Variants in ADAMTS6 observed in about 807,000 individuals in gnomAD.
ADAMTS6 encodes A disintegrin and metalloproteinase with thrombospondin motifs 6.
ADAMTS6 carries 23 observed loss-of-function variants against 144.3 expected under a neutral mutation model. The ratio of observed to expected loss-of-function variants is 0.16; its 90% confidence interval spans 0.11 to 0.23. The LOEUF is 0.23. ADAMTS6 is among the 10% of genes least tolerant of loss of function. The probability of loss-of-function intolerance (pLI) is 1.00; values close to 1 mark genes in which losing one functional copy is unlikely to be tolerated. For synonymous variants in ADAMTS6, 444 were observed against 457.5 expected (o/e 0.97, Z 0.38); for missense variants, 999 against 1,379.6 (o/e 0.72, Z 4.37).
At chr5:65,157,152 G>A (rs886121971) in intron 24 of ADAMTS6, among the ~76,000 whole-genome samples, 1 of 152,198 alleles carries the variant, frequency 6.6e-6, no homozygotes, top group Non-Finnish European at 1.5e-5. Flanking sequence ...GCATGCTGGA[G>A]TGGTTCTCAT....
intron 24 of ADAMTS6, among the ~76,000 whole-genome samples, chr5:65,167,997 C>A (rs1471268086): frequency 7.0e-6 from 1 of 142,382 alleles, no homozygotes; most frequent in Non-Finnish European, 1.5e-5. Context: ...CCTCTCTCAC[C>A]GCTCCTATTC....
At chr5:65,175,844 A>G (rs1753941737) in intron 22 of ADAMTS6, among the ~76,000 whole-genome samples, 1 of 150,870 alleles carries the variant, frequency 6.6e-6, no homozygotes, top group Non-Finnish European at 1.5e-5. Flanking sequence ...GGACAGGACA[A>G]TCGATGGTTC....
intron 20 of ADAMTS6, among the ~76,000 whole-genome samples, chr5:65,199,800 G>GT (rs1755619471): frequency 6.6e-6 from 1 of 152,098 alleles, no homozygotes. Context: ...TATAAACACA[G>GT]TATCTCTTGG....
At chr5:65,364,707 C>G (rs545320786) in intron 7 of ADAMTS6, among the ~76,000 whole-genome samples, 1 of 151,780 alleles carries the variant, frequency 6.6e-6, no homozygotes, top group South Asian at 2.1e-4. Context: ...GCTGGGACTA[C>G]AGGCGCCCGT....
At chr5:65,303,746 T>C (rs1743666674) in intron 9 of ADAMTS6, among the ~76,000 whole-genome samples, 1 of 151,892 alleles carries the variant, frequency 6.6e-6, no homozygotes, top group Non-Finnish European at 1.5e-5. Flanking sequence ...GAGGGGAAAA[T>C]GATATAAATT....
chr5:65,423,599 G>A (rs1435167086), intron 7 of ADAMTS6, among the ~76,000 whole-genome samples: 1 of 151,576 alleles, frequency 6.6e-6, no homozygotes, highest in Non-Finnish European at 1.5e-5. Flanking sequence ...AACAGCAAAA[G>A]CCTGTGTAAA....
At chr5:65,264,750 T>C (rs1434721238) in intron 12 of ADAMTS6, among the ~76,000 whole-genome samples, 1 of 152,120 alleles carries the variant, frequency 6.6e-6, no homozygotes, top group Non-Finnish European at 1.5e-5. Flanking sequence ...ACAGAGCAGA[T>C]GCAGAACATT....
intron 14 of ADAMTS6, among the ~76,000 whole-genome samples, chr5:65,257,782 T>C (rs986340503): frequency 2.0e-5 from 3 of 152,168 alleles, no homozygotes; most frequent in African/African-American, 7.2e-5. Flanking sequence ...TGGGACAAAG[T>C]CCTTAAGTCC....
chr5:65,160,385 C>A (rs1348975544), intron 24 of ADAMTS6, among the ~76,000 whole-genome samples: 4 of 151,406 alleles, frequency 2.6e-5, no homozygotes, highest in African/African-American at 9.7e-5. Context: ...CGGCTCACTG[C>A]AAGCTCCGCC....
intron 24 of ADAMTS6, among the ~76,000 whole-genome samples, chr5:65,158,503 A>G (rs996887013): frequency 6.6e-6 from 1 of 152,294 alleles, no homozygotes; most frequent in East Asian, 1.9e-4. Context: ...AGCTGAAAAG[A>G]CTCACTATAT....
chr5:65,429,385 T>C (rs1756817184), intron 7 of ADAMTS6, among the ~76,000 whole-genome samples: 1 of 152,302 alleles, frequency 6.6e-6, no homozygotes, highest in South Asian at 2.1e-4. Flanking sequence ...TGGGTCATCA[T>C]TTCTGAAGGC....
At chr5:65,432,582 GATC>G (rs1227644535) in intron 7 of ADAMTS6, among the ~76,000 whole-genome samples, 1 of 151,850 alleles carries the variant, frequency 6.6e-6, no homozygotes, top group Non-Finnish European at 1.5e-5. Context: ...TTTCGAATCT[GATC>G]ATGTCACTTT....
In ADAMTS6 at chr5:65,299,194, T is replaced by C. The variant is rs559334582; in HGVS notation, c.1370+791A>G. Among the ~76,000 whole-genome samples the C allele has an allele frequency of 3.9e-5, 6 of 152,274 alleles. No homozygotes were observed. The South Asian group carries it at 1.0e-3, about 26-fold the overall frequency. On this transcript the variant is annotated intron_variant, in intron 10 of 24. Transcript: ENST00000381055. ...TAAAGAATGTCTGTTATGTATTTTA[T>C]ATACATTATAGCATGACATATAATC...
chr5:65,156,884 G>T (rs1752452419), intron 24 of ADAMTS6, among the ~76,000 whole-genome samples: 1 of 152,196 alleles, frequency 6.6e-6, no homozygotes, highest in African/African-American at 2.4e-5. Flanking sequence ...TATTGGAAAG[G>T]TAAGAGGTCC....
At chr5:65,411,384 A>G (rs1319342477) in intron 7 of ADAMTS6, among the ~76,000 whole-genome samples, 1 of 152,140 alleles carries the variant, frequency 6.6e-6, no homozygotes, top group Non-Finnish European at 1.5e-5. Flanking sequence ...CATAGTGCCT[A>G]TACAGCTTTC....
Position 65,184,889 on chromosome 5 carries a change from C to T in ADAMTS6, c.2910+3127G>A, listed in dbSNP as rs138749384. Among the ~76,000 whole-genome samples, 154 of 152,102 alleles carry T rather than the reference C, an allele frequency of 1.0e-3. 1 individual carries two copies. Among genetic ancestry groups the T allele is most frequent in the Admixed American group, 1.3e-3 (20 of 15,272 alleles). On this transcript the variant is annotated intron_variant, in intron 22 of 24. Transcript: ENST00000381055. ...CAATGGAAATTTTACACTACAGTAGCCGGCAGAGAAAAGGAAAGGGTCAAA... is the reference window on the plus strand; with the variant it reads ...CAATGGAAATTTTACACTACAGTAGTCGGCAGAGAAAAGGAAAGGGTCAAA...
At chr5:65,398,698 C>T (rs887703039) in intron 7 of ADAMTS6, among the ~76,000 whole-genome samples, 7 of 139,278 alleles carry the variant, frequency 5.0e-5, no homozygotes, top group Middle Eastern at 4.2e-3. Context: ...GATGACAGAG[C>T]GAGACTCTGT....
chr5:65,224,966 C>A lies in ADAMTS6; in HGVS notation c.2149G>T (p.Asp717Tyr). ...TCATTGAAGAACCCTTCAATGGCAT[C>A]ACATGTGCTTCCGTCCCCTCCACAG... The part of the protein sequence containing the change: ...RVCGGDGSTC[D>Y]AIEGFFNDSL... The change falls in exon 17 of 25, where the codon GAT (aspartate) becomes TAT (tyrosine). Residue 717 changes from aspartate to tyrosine, a missense_variant. Physicochemically the swap from Asp to Tyr is radical, Grantham distance 160. Around this residue, in one of 3 missense-constraint regions of ADAMTS6, gnomAD observed 619 missense variants for 837.0 expected, o/e 0.74. Transcript: ENST00000381055. The A allele has an allele frequency of 6.2e-7, 1 of 1,614,080 alleles. No individual in the cohort carries two copies. The highest frequency in any genetic ancestry group is 2.2e-5 in the East Asian group (1 of 44,876).
chr5:65,290,345 G>T (rs1289865677), intron 11 of ADAMTS6, among the ~76,000 whole-genome samples: 4 of 152,178 alleles, frequency 2.6e-5, no homozygotes, highest in Non-Finnish European at 5.9e-5. Flanking sequence ...GAGGCCAGGA[G>T]TTCGAGACCA....
Sources: gnomAD v4.1 joint callset for allele counts (sites outside exome capture counted in the v4.1 genomes callset) on GRCh38, gnomAD v4.1.1 for gene constraint, gnomAD v4.1.1 regional missense constraint, MANE v1.5 for transcripts, NCBI Gene and HGNC (gene_info 2026-07-23, HGNC 2026-07-21) for gene names.